The following MMP9 variants were observed in gnomAD, a reference collection of about 807,000 sequenced individuals.
MMP9 encodes matrix metallopeptidase 9, also known as matrix metalloproteinase-9.
A neutral mutation model predicts 76.4 loss-of-function variants in MMP9; 73 were observed. That is an observed-to-expected ratio of 0.96 (90% confidence interval 0.79 to 1.16). MMP9 has a LOEUF of 1.16. Among genes scored for constraint, MMP9 ranks in the 50% most tolerant of loss-of-function variants. The probability of loss-of-function intolerance (pLI) is 0.00; values close to 1 mark genes in which losing one functional copy is unlikely to be tolerated. For missense variants in MMP9, 943 were observed against 973.0 expected, an observed-to-expected ratio of 0.97 and a Z score of 0.41; for synonymous variants, 412 against 408.4, an observed-to-expected ratio of 1.01 and a Z score of -0.11.
chr20:46,012,121 C>T lies in MMP9; in HGVS notation c.998-16C>T, dbSNP rs2084283783. On this transcript the variant is annotated splice_polypyrimidine_tract_variant and intron_variant, in intron 6 of 12. Transcript: ENST00000372330. ...ACTCATCCATCTGGCTCATCCAAGGCCTTGGGTCTCTCCAGCTGACTCGAC... is the reference window on the plus strand; with the variant it reads ...ACTCATCCATCTGGCTCATCCAAGGTCTTGGGTCTCTCCAGCTGACTCGAC... The T allele has an allele frequency of 6.2e-7, 1 of 1,613,510 alleles. No homozygotes were observed. The highest frequency in any genetic ancestry group is 1.1e-5 in the South Asian group (1 of 91,080).
In MMP9 at chr20:46,012,235, C is replaced by G. The variant is rs1431124552; in HGVS notation, c.1096C>G (p.Arg366Gly). Residue 366 changes from arginine (R) to glycine (G), a missense_variant, in exon 7 of 13, where the codon CGC becomes GGC. By Grantham distance (125) the Arg-to-Gly change is moderately radical. Transcript: ENST00000372330. ...KEYSTCTSEGRGDGRLWCATT... is the reference protein window; with the variant it reads ...KEYSTCTSEGGGDGRLWCATT... Reference sequence around the variant, plus strand: ...GTACTCGACCTGTACCAGCGAGGGCCGCGGAGATGGGCGCCTCTGGTGCGC... The same window carrying G: ...GTACTCGACCTGTACCAGCGAGGGCGGCGGAGATGGGCGCCTCTGGTGCGC... 1 of 1,614,116 alleles carries G rather than the reference C, an allele frequency of 6.2e-7. No homozygotes were observed. Among genetic ancestry groups the G allele is most frequent in the Non-Finnish European group, 8.5e-7 (1 of 1,180,048 alleles).
In MMP9 at chr20:46,010,321, C is replaced by CCAAAAAAAAAAAA. The variant is rs2084268032; in HGVS notation, c.372-162_372-161insCAAAAAAAAAAAA. 8.0e-5 allele frequency among the ~76,000 whole-genome samples: 5 copies of CCAAAAAAAAAAAA among 62,492 alleles called. 1 individual carries two copies. The highest frequency in any genetic ancestry group is 6.0e-4 in the South Asian group (1 of 1,678). 41.0% of individuals were successfully genotyped at this position (62,492 alleles called of 152,430 possible). A position where few individuals can be genotyped will look rare whatever the true frequency, so the allele number is the denominator to read the frequency against. ...GGGCCATTGTGAGGGTCTAAGTAGA[C>CCAAAAAAAAAAAA]AAAAAAAAAAAAAAAAAAAACAGTC... On this transcript the variant is annotated intron_variant, in intron 2 of 12. Coordinates refer to ENST00000372330, the MANE Select transcript of MMP9 (RefSeq NM_004994.3).
chr20:46,014,234 A>G lies in MMP9; in HGVS notation c.1861A>G (p.Arg621Gly), dbSNP rs1466072965. The G allele has an allele frequency of 6.9e-7, 1 of 1,453,646 alleles. No homozygotes were observed. The highest frequency in any genetic ancestry group is 1.2e-5 in the South Asian group (1 of 82,292). The allele number at this position is 1,453,646 out of a possible 1,614,324, so 90.0% of individuals were successfully genotyped here. ...GGTGACCGGGGCCCTCCGGAGTGGC[A>G]GGGGGAAGATGCTGCTGTTCAGCGG... is the stretch of plus-strand genomic sequence containing the variant. ...AQVTGALRSG[R>G]GKMLLFSGRR... The change falls in exon 11 of 13, where the codon AGG becomes GGG. Residue 621 changes from arginine to glycine, a missense_variant. Arg to Gly is a moderately radical substitution (Grantham distance 125). Coordinates refer to ENST00000372330, the MANE Select transcript of MMP9 (RefSeq NM_004994.3).
In MMP9 at chr20:46,010,103, G is replaced by A; in HGVS notation, c.371+5G>A. The A allele has an allele frequency of 1.3e-6, 2 of 1,538,958 alleles. No homozygotes were observed. The highest frequency in any genetic ancestry group is 1.8e-6 in the Non-Finnish European group (2 of 1,137,838). ...CCACCACAACATCACCTATTGGTGA[G>A]CCGGGGCCGTGGGGGCAGCGGGGTG... On this transcript the variant is annotated splice_donor_5th_base_variant and intron_variant, in intron 2 of 12. Transcript: ENST00000372330.
Position 46,013,804 on chromosome 20 carries a change from AC to A in MMP9, c.1750+10del. 6.2e-7 allele frequency: 1 copy of A among 1,612,110 alleles called. No homozygotes were observed. The highest frequency in any genetic ancestry group is 8.5e-7 in the Non-Finnish European group (1 of 1,179,864). On this transcript the variant is annotated intron_variant, in intron 10 of 12. Transcript: ENST00000372330. The surrounding 1 kb of genome is among the most constrained non-coding windows in gnomAD (Gnocchi z 4.5). ...AGCTTTTCTTCTTCTCTGGTTAGTT[AC>A]CTACTTTCCCTCCCCCGCCCGGTCA...
chr20:46,012,351 G>A (rs1204172684), intron 7 of MMP9, 38 bp downstream of exon 7: 2 of 1,612,630 alleles, frequency 1.2e-6, no homozygotes, highest in Non-Finnish European at 1.7e-6. Flanking sequence ...TGGGGTTCCC[G>A]GCAGTGGTGG....
chr20:46,010,118 GCA>G lies in MMP9; in HGVS notation c.371+21_371+22del. 2 of 1,516,312 alleles carry G rather than the reference GCA, an allele frequency of 1.3e-6. No homozygotes were observed. Among genetic ancestry groups the G allele is most frequent in the Non-Finnish European group, 1.8e-6 (2 of 1,118,736 alleles). 93.9% of individuals were successfully genotyped at this position (1,516,312 alleles called of 1,614,324 possible). A position where few individuals can be genotyped will look rare whatever the true frequency, so the allele number is the denominator to read the frequency against. ...CTATTGGTGAGCCGGGGCCGTGGGGGCAGCGGGGTGGGGCGGGGAGGCCAGGT... is the reference window on the plus strand; with the variant it reads ...CTATTGGTGAGCCGGGGCCGTGGGGGGCGGGGTGGGGCGGGGAGGCCAGGT... On this transcript the variant is annotated intron_variant, in intron 2 of 12. Coordinates refer to ENST00000372330, the MANE Select transcript of MMP9 (RefSeq NM_004994.3).
intron 3 of MMP9, 111 bp from the exon 4 acceptor site, chr20:46,010,811 C>T: frequency 6.3e-7 from 1 of 1,589,410 alleles, no homozygotes; most frequent in Non-Finnish European, 8.6e-7. Flanking sequence ...GGGAGAGCTT[C>T]GCGCAGGCGG....
chr20:46,010,710 C>T, intron 3 of MMP9, 79 bp downstream of exon 3: 1 of 1,553,800 alleles, frequency 6.4e-7, no homozygotes, highest in Non-Finnish European at 8.7e-7. Context: ...GTGGAGGCAG[C>T]AGTGGCCCCG....
chr20:46,015,453 C>CTTTTTTTTTTTTTTTTTT (rs199508388), intron 12 of MMP9, among the ~76,000 whole-genome samples: 4 of 125,594 alleles, frequency 3.2e-5, no homozygotes, highest in African/African-American at 9.2e-5. Context: ...TTTCTTTTTT[C>CTTTTTTTTTTTTTTTTTT]TTTTTTTTTT....
At chr20:46,010,321 C>CAAAGAAAAAAAA (rs2084268121) in intron 2 of MMP9, among the ~76,000 whole-genome samples, 162 bp from the exon 3 acceptor site, 1 of 62,504 alleles carries the variant, frequency 1.6e-5, no homozygotes, top group Non-Finnish European at 2.8e-5. Context: ...TCTAAGTAGA[C>CAAAGAAAAAAAA]AAAAAAAAAA....
Position 46,013,584 on chromosome 20 carries a change from T to C in MMP9, c.1610+50T>C. On this transcript the variant is annotated intron_variant, in intron 9 of 12. Transcript: ENST00000372330. This position sits in a 1 kb window ranked among gnomAD's most constrained non-coding sequence, Gnocchi z 4.5. ...GCGGGAGGGGGCTTTGCGGAGGGGCTGCCCGTCCCTTCCCGCCCACTGGCC... is the reference window on the plus strand; with the variant it reads ...GCGGGAGGGGGCTTTGCGGAGGGGCCGCCCGTCCCTTCCCGCCCACTGGCC... 6.2e-7 allele frequency: 1 copy of C among 1,611,274 alleles called. No homozygotes were observed. Among genetic ancestry groups the C allele is most frequent in the South Asian group, 1.1e-5 (1 of 90,852 alleles).
In MMP9 at chr20:46,014,232, G is replaced by A. The variant is rs990563451; in HGVS notation, c.1859G>A (p.Gly620Asp). 5.9e-6 allele frequency: 9 copies of A among 1,535,244 alleles called. No homozygotes were observed. Among genetic ancestry groups the A allele is most frequent in the Non-Finnish European group, 7.9e-6 (9 of 1,142,746 alleles). Residue 620 changes from glycine to aspartate, a missense_variant, in exon 11 of 13, where the codon GGC (glycine) becomes GAC (aspartate). By Grantham distance (94) the Gly-to-Asp change is moderately conservative. Coordinates refer to ENST00000372330, the MANE Select transcript of MMP9 (RefSeq NM_004994.3). ...CAGGTGACCGGGGCCCTCCGGAGTG[G>A]CAGGGGGAAGATGCTGCTGTTCAGC... is the stretch of plus-strand genomic sequence containing the variant. ...VAQVTGALRS[G>D]RGKMLLFSGR...
chr20:46,014,849 A>C (rs1600577470), intron 12 of MMP9: 1 of 244,642 alleles, frequency 4.1e-6, no homozygotes, highest in Non-Finnish European at 8.0e-6. Context: ...CTGCTTCTCT[A>C]CTCTTCGAGC....
In MMP9 at chr20:46,012,551, G is replaced by A; in HGVS notation, c.1299G>A (p.Lys433=). 1 of 1,614,002 alleles carries A rather than the reference G, an allele frequency of 6.2e-7. No homozygotes were observed. The highest frequency in any genetic ancestry group is 8.5e-7 in the Non-Finnish European group (1 of 1,180,032). Reference sequence around the variant, plus strand: ...TCACTGAGGGGCCCCCCTTGCATAAGGACGACGTGAATGGCATCCGGCACC... The same window carrying A: ...TCACTGAGGGGCCCCCCTTGCATAAAGACGACGTGAATGGCATCCGGCACC... ...YRFTEGPPLH[K]DDVNGIRHLY... The change falls in exon 8 of 13, where the codon AAG becomes AAA. Residue 433 remains lysine (K), a synonymous_variant. Transcript: ENST00000372330.
intron 1 of MMP9, 89 bp downstream of exon 1, chr20:46,009,153 C>A: frequency 2.8e-6 from 4 of 1,407,020 alleles, no homozygotes; most frequent in East Asian, 2.4e-5. Flanking sequence ...AGAGGAGATG[C>A]TTTAGGGGTG....
chr20:46,012,451 C>G lies in MMP9; in HGVS notation c.1199C>G (p.Ala400Gly). The change falls in exon 8 of 13, where the codon GCG becomes GGG. Residue 400 changes from alanine to glycine, a missense_variant. Ala to Gly is a moderately conservative substitution (Grantham distance 60). Transcript: ENST00000372330. Reference sequence around the variant, plus strand: ...GGATACAGTTTGTTCCTCGTGGCGGCGCATGAGTTCGGCCACGCGCTGGGC... The same window carrying G: ...GGATACAGTTTGTTCCTCGTGGCGGGGCATGAGTTCGGCCACGCGCTGGGC... ...DQGYSLFLVA[A>G]HEFGHALGLD... is the part of the protein sequence containing the mutation. 1.2e-6 allele frequency: 2 copies of G among 1,614,100 alleles called. No individual in the cohort carries two copies. The highest frequency in any genetic ancestry group is 1.7e-6 in the Non-Finnish European group (2 of 1,179,966).
chr20:46,011,385 G>A, intron 5 of MMP9, 69 bp downstream of exon 5: 1 of 1,584,236 alleles, frequency 6.3e-7, no homozygotes, highest in South Asian at 1.1e-5. Flanking sequence ...TCTAATTCCA[G>A]CTCTGCCACT....
At chr20:46,014,641 C>A in intron 12 of MMP9, 167 bp downstream of exon 12, 1 of 759,020 alleles carries the variant, frequency 1.3e-6, no homozygotes, top group Non-Finnish European at 2.2e-6. Flanking sequence ...TTTAGGAAGT[C>A]AGGGATGCAA....
Sources: gnomAD v4.1 joint callset for allele counts (sites outside exome capture counted in the v4.1 genomes callset) on GRCh38, gnomAD v4.1.1 for gene constraint, Gnocchi (gnomAD v3.1) non-coding constraint, MANE v1.5 for transcripts, NCBI Gene and HGNC (gene_info 2026-07-23, HGNC 2026-07-21) for gene names.